The following PREX1 variants were observed in gnomAD, a reference collection of about 807,000 sequenced individuals.
The protein encoded by PREX1 is phosphatidylinositol 3,4,5-trisphosphate-dependent Rac exchanger 1 protein.
Under a neutral mutation model 198.3 loss-of-function variants are expected in PREX1, and 41 were observed. That is an observed-to-expected ratio of 0.21 (90% CI 0.16 to 0.27). The LOEUF is 0.27. Ranked by LOEUF, PREX1 falls within the 10% of genes least tolerant of loss-of-function variation. PREX1 has a pLI of 1.00. For missense variants in PREX1, 1,620 were observed against 2,200.7 expected (o/e 0.74, Z 5.28); for synonymous variants, 843 against 887.2 (o/e 0.95, Z 0.89).
At chr20:48,649,108 G>C (rs752907518) in intron 25 of PREX1, among the ~76,000 whole-genome samples, 192 bp downstream of exon 25, 1 of 152,136 alleles carries the variant, frequency 6.6e-6, no homozygotes, top group Non-Finnish European at 1.5e-5. Context: ...AGACATTTTT[G>C]GTTGTCACAA....
chr20:48,663,364 C>T (rs1208411919), intron 15 of PREX1, among the ~76,000 whole-genome samples: 2 of 152,196 alleles, frequency 1.3e-5, no homozygotes, highest in Non-Finnish European at 2.9e-5. Context: ...GACCAGGGCT[C>T]AACAAACTAT....
At chr20:48,690,740 GT>G (rs1162293213) in intron 9 of PREX1, among the ~76,000 whole-genome samples, 1 of 152,194 alleles carries the variant, frequency 6.6e-6, no homozygotes, top group African/African-American at 2.4e-5. Context: ...TTGGGCCTCA[GT>G]TTCCCCATTT....
At chr20:48,812,588 A>C (rs2090441350) in intron 1 of PREX1, among the ~76,000 whole-genome samples, 1 of 152,116 alleles carries the variant, frequency 6.6e-6, no homozygotes, top group South Asian at 2.1e-4. Flanking sequence ...AAGTATAGCT[A>C]ATATATATGG....
intron 5 of PREX1, among the ~76,000 whole-genome samples, chr20:48,711,911 G>A (rs928933370): frequency 2.0e-4 from 30 of 152,134 alleles, no homozygotes; most frequent in Admixed American, 9.2e-4. Context: ...GGCATGGTGC[G>A]AGCACCTGAA....
chr20:48,708,287 C>G lies in PREX1; in HGVS notation c.756G>C (p.Gln252His). The change falls in exon 6 of 40, where the codon CAG becomes CAC. Residue 252 changes from glutamine to histidine, a missense_variant. By Grantham distance (24) the Gln-to-His change is conservative. This residue lies in a region of PREX1 where 488 missense variants were observed against 802.5 expected (regional missense o/e 0.61). Coordinates refer to ENST00000371941, the MANE Select transcript of PREX1 (RefSeq NM_020820.4). ...CCCAGCCTTCGATGTGGGACTGCAGCTGCTCCAGGGCTTCCAGCTTCTCCA... is the reference window on the plus strand; with the variant it reads ...CCCAGCCTTCGATGTGGGACTGCAGGTGCTCCAGGGCTTCCAGCTTCTCCA... Reference protein sequence around the residue: ...RQMEKLEALEQLQSHIEGWEG... With the variant: ...RQMEKLEALEHLQSHIEGWEG... 6.2e-7 allele frequency: 1 copy of G among 1,614,116 alleles called. No homozygotes were observed. The highest frequency in any genetic ancestry group is 8.5e-7 in the Non-Finnish European group (1 of 1,180,024).
At chr20:48,855,039 A>G in the PREX1 span, among the ~76,000 whole-genome samples, 48,475 of 151,978 alleles carry the variant, frequency 0.32, 7,985 homozygotes, top group African/African-American at 0.38. Flanking sequence ...TAGTAATAAC[A>G]TACTTAAAGT....
chr20:48,842,455 C>T, the PREX1 span, among the ~76,000 whole-genome samples: 1 of 152,168 alleles, frequency 6.6e-6, no homozygotes, highest in South Asian at 2.1e-4. Context: ...TAGAAAATTC[C>T]TATTCTACCC....
chr20:48,768,762 G>A (rs1359258852), intron 1 of PREX1, among the ~76,000 whole-genome samples: 4 of 151,332 alleles, frequency 2.6e-5, no homozygotes, highest in African/African-American at 7.3e-5. Flanking sequence ...GTGACAAAGC[G>A]AGACTCTGCC....
intron 33 of PREX1, among the ~76,000 whole-genome samples, chr20:48,634,136 A>T (rs1242082501): frequency 6.7e-6 from 1 of 148,856 alleles, no homozygotes; most frequent in Non-Finnish European, 1.5e-5. Context: ...GCATGGACAC[A>T]TGGGTGGGTG....
At chr20:48,742,030 GTC>G (rs1189359502) in intron 3 of PREX1, among the ~76,000 whole-genome samples, 4 of 152,142 alleles carry the variant, frequency 2.6e-5, no homozygotes, top group Non-Finnish European at 5.9e-5. Context: ...TTTCCAGCAG[GTC>G]TCTCTGTTGG....
chr20:48,786,936 A>G (rs934123629), intron 1 of PREX1, among the ~76,000 whole-genome samples: 4 of 151,906 alleles, frequency 2.6e-5, no homozygotes, highest in African/African-American at 7.2e-5. Flanking sequence ...TGGGAAGGAC[A>G]AGAGGTCACA....
rs902397797 is a variant in PREX1, at chr20:48,791,653, G to T, written c.219+35989C>A. ...GAGCCAGAACTCCCCAGGAAAGAGG[G>T]GTGCCCAAGGTTCAGAAATGTTTGA... On this transcript the variant is annotated intron_variant, in intron 1 of 39. Transcript: ENST00000371941. 7.9e-5 allele frequency among the ~76,000 whole-genome samples: 12 copies of T among 152,234 alleles called. No homozygotes were observed. The South Asian group carries it at 1.5e-3, about 18-fold the overall frequency.
intron 7 of PREX1, among the ~76,000 whole-genome samples, chr20:48,695,118 A>G (rs1023154012): frequency 2.0e-5 from 3 of 152,242 alleles, no homozygotes; most frequent in Non-Finnish European, 4.4e-5. Flanking sequence ...ACCTGTATCA[A>G]CATGTTTAGC....
At chr20:48,767,466 C>A (rs771258763) in intron 1 of PREX1, among the ~76,000 whole-genome samples, 4 of 152,070 alleles carry the variant, frequency 2.6e-5, no homozygotes, top group Non-Finnish European at 5.9e-5. Context: ...GGTTCAAGTC[C>A]CCACCTGTCA....
chr20:48,762,582 A>T lies in PREX1; in HGVS notation c.220-14702T>A, dbSNP rs2090186496. On this transcript the variant is annotated intron_variant, in intron 1 of 39. Coordinates refer to ENST00000371941, the MANE Select transcript of PREX1 (RefSeq NM_020820.4). The stretch of plus-strand genomic sequence containing the variant: ...GACAGAGCCAAGTATTTTGGGTTCA[A>T]ATCCTGGTTCGGTCATTTGCTGGCT... Among the ~76,000 whole-genome samples, 3 of 152,340 alleles carry T rather than the reference A, an allele frequency of 2.0e-5. No individual in the cohort carries two copies. In the South Asian group the frequency reaches 6.2e-4, roughly 32 times the overall value.
At chr20:48,815,499 C>G (rs1443702050) in intron 1 of PREX1, among the ~76,000 whole-genome samples, 1 of 152,158 alleles carries the variant, frequency 6.6e-6, no homozygotes, top group African/African-American at 2.4e-5. Context: ...ATGTGGAGAT[C>G]AATGCAATCA....
intron 15 of PREX1, among the ~76,000 whole-genome samples, chr20:48,664,101 G>A (rs772204959): frequency 7.9e-5 from 12 of 152,240 alleles, no homozygotes; most frequent in South Asian, 6.2e-4. Flanking sequence ...CTGGTCGGGC[G>A]CGGTGGCTCA....
chr20:48,653,886 C>T (rs1250391779), intron 19 of PREX1, among the ~76,000 whole-genome samples: 3 of 152,242 alleles, frequency 2.0e-5, no homozygotes, highest in Non-Finnish European at 1.5e-5. Flanking sequence ...TGGCCAGAAG[C>T]CAGGATTCCA....
the PREX1 span, among the ~76,000 whole-genome samples, chr20:48,833,733 G>A: frequency 2.6e-5 from 4 of 152,198 alleles, no homozygotes; most frequent in East Asian, 1.9e-4. Flanking sequence ...TGAGCACGGC[G>A]CCTGGCCGAC....
Sources: allele counts gnomAD v4.1 joint callset (sites outside exome capture counted in the v4.1 genomes callset), GRCh38; gene constraint gnomAD v4.1.1; regional missense constraint gnomAD v4.1.1; transcripts MANE v1.5; gene names NCBI Gene and HGNC (gene_info 2026-07-23, HGNC 2026-07-21).